HSPA12A: variants seen among roughly 807,000 people sequenced by gnomAD.
HSPA12A encodes heat shock protein family A (Hsp70) member 12A, also known as heat shock 70 kDa protein 12A.
In HSPA12A, 28 loss-of-function variants were observed where a neutral mutation model predicts 69.2. The observed-to-expected ratio is 0.40, with a 90% CI of 0.30 to 0.55. The LOEUF (loss-of-function observed/expected upper bound fraction) is 0.55. Among genes scored for constraint, HSPA12A ranks in the 20% least tolerant of loss-of-function variants. The pLI is 0.38. For synonymous variants in HSPA12A, 345 were observed against 370.5 expected, an observed-to-expected ratio of 0.93 and a Z score of 0.79; for missense variants, 686 against 900.7, an observed-to-expected ratio of 0.76 and a Z score of 3.05.
rs1173502319 is a variant in HSPA12A, at chr10:116,807,515, G to A, written c.91+27420C>T. ...ACACATACCCTGCCAAGAGCCTGAT[G>A]AGCATGCTCTGTTGATGTAGCAATG... On this transcript the variant is annotated intron_variant, in intron 2 of 12. Coordinates refer to the HSPA12A transcript ENST00000635765. Among the ~76,000 whole-genome samples, 3 of 152,136 alleles carry A rather than the reference G, an allele frequency of 2.0e-5. No individual in the cohort carries two copies. In the East Asian group the frequency reaches 5.8e-4, roughly 29 times the overall value.
intron 6 of HSPA12A, among the ~76,000 whole-genome samples, chr10:116,685,568 G>T (rs1849554972): frequency 6.6e-6 from 1 of 151,628 alleles, no homozygotes; most frequent in African/African-American, 2.4e-5. Flanking sequence ...TTGGGAGGTG[G>T]AGGTTGCAGT....
Position 116,677,806 on chromosome 10 carries a change from G to A in HSPA12A, c.1287-1304C>T, listed in dbSNP as rs181544908. Among the ~76,000 whole-genome samples, 419 of 152,320 alleles carry A rather than the reference G, an allele frequency of 2.8e-3. 2 individuals carry two copies. The highest frequency in any genetic ancestry group is 9.7e-3 in the African/African-American group (402 of 41,568). On this transcript the variant is annotated intron_variant, in intron 10 of 11. Coordinates refer to ENST00000369209, the MANE Select transcript of HSPA12A (RefSeq NM_025015.3). Reference sequence around the variant, plus strand: ...CATGTCAAAGGGATTCAGAGCCAACGTGAGAAGGCTCCTACTGGCCGAGAT... The same window carrying A: ...CATGTCAAAGGGATTCAGAGCCAACATGAGAAGGCTCCTACTGGCCGAGAT...
chr10:116,786,859 C>T (rs1844587194), intron 2 of HSPA12A, among the ~76,000 whole-genome samples: 1 of 152,124 alleles, frequency 6.6e-6, no homozygotes, highest in South Asian at 2.1e-4. Flanking sequence ...AGACTGGTCT[C>T]GAACTCCTGA....
intron 2 of HSPA12A, among the ~76,000 whole-genome samples, chr10:116,795,395 G>C (rs1348243344): frequency 6.6e-6 from 1 of 152,008 alleles, no homozygotes; most frequent in East Asian, 1.9e-4. Flanking sequence ...TACTTAGTAA[G>C]AGGCCAGGCA....
At chr10:116,798,198 G>T (rs1844875101) in intron 2 of HSPA12A, among the ~76,000 whole-genome samples, 1 of 151,710 alleles carries the variant, frequency 6.6e-6, no homozygotes, top group East Asian at 2.0e-4. Context: ...GTGGGGCAGG[G>T]AGCAGGGGTG....
intron 2 of HSPA12A, among the ~76,000 whole-genome samples, chr10:116,807,616 G>A (rs550038764): frequency 4.6e-4 from 70 of 152,318 alleles, no homozygotes; most frequent in Non-Finnish European, 8.8e-4. Context: ...AGGTCAGCGG[G>A]TCGTCCCCAT....
chr10:116,713,692 A>T (rs1850517834), intron 1 of HSPA12A, among the ~76,000 whole-genome samples: 1 of 152,178 alleles, frequency 6.6e-6, no homozygotes. Flanking sequence ...AGGTTCATGC[A>T]TTGGTCCGTG....
At chr10:116,742,199 C>A (rs1554887283) in intron 1 of HSPA12A, among the ~76,000 whole-genome samples, 2 of 151,948 alleles carry the variant, frequency 1.3e-5, no homozygotes, top group African/African-American at 4.8e-5. Flanking sequence ...CCGCGGAGTC[C>A]GCACCCTGGC....
intron 1 of HSPA12A, among the ~76,000 whole-genome samples, chr10:116,724,496 T>C (rs1554884758): frequency 6.6e-6 from 1 of 152,142 alleles, no homozygotes; most frequent in East Asian, 1.9e-4. Context: ...CCCATGGTGC[T>C]GGATTTTGTG....
At chr10:116,707,584 C>T (rs1850297125) in intron 1 of HSPA12A, among the ~76,000 whole-genome samples, 1 of 152,246 alleles carries the variant, frequency 6.6e-6, no homozygotes, top group African/African-American at 2.4e-5. Flanking sequence ...TCCCCGAAAG[C>T]TCCGCTCCTG....
rs187996151 is a variant in HSPA12A, at chr10:116,833,574, G to A, written c.91+1361C>T. On this transcript the variant is annotated intron_variant, in intron 2 of 12. Coordinates refer to the HSPA12A transcript ENST00000635765. Reference sequence around the variant, plus strand: ...TCAACCAATCACTCTTTGTTGCTCAGACAATAATTTTTCTCCCGAAAAACC... The same window carrying A: ...TCAACCAATCACTCTTTGTTGCTCAAACAATAATTTTTCTCCCGAAAAACC... Among the ~76,000 whole-genome samples the A allele has an allele frequency of 1.0e-3, 153 of 152,268 alleles. 1 individual carries two copies. The highest frequency in any genetic ancestry group is 1.7e-3 in the Non-Finnish European group (113 of 68,018).
upstream of HSPA12A, chr10:116,742,691 C>A (rs1337580573): frequency 1.8e-5 from 14 of 761,196 alleles, no homozygotes; most frequent in African/African-American, 2.5e-4. Flanking sequence ...CGGGAAAGGT[C>A]GGGGAAGGCG....
rs544861539 is a variant in HSPA12A, at chr10:116,773,054, G to C, written c.91+61881C>G. Reference sequence around the variant, plus strand: ...CATTCAGTCAGGACCGGGGACCCTAGCTAGACTAAAAGTCTGGGTGAGCCA... The same window carrying C: ...CATTCAGTCAGGACCGGGGACCCTACCTAGACTAAAAGTCTGGGTGAGCCA... On this transcript the variant is annotated intron_variant, in intron 2 of 12. Transcript: ENST00000635765. 2.0e-5 allele frequency among the ~76,000 whole-genome samples: 3 copies of C among 152,280 alleles called. No homozygotes were observed. The East Asian group carries it at 5.8e-4, about 29-fold the overall frequency.
chr10:116,696,001 T>TAAAAAAAAAAAAAAAAA (rs1849886972), intron 5 of HSPA12A, among the ~76,000 whole-genome samples: 1 of 18,704 alleles, frequency 5.3e-5, no homozygotes, highest in African/African-American at 2.8e-4. Flanking sequence ...AGACTCCATC[T>TAAAAAAAAAAAAAAAAA]CAAAAAAAAA....
At position 116,683,808 on chromosome 10, in the gene HSPA12A, C is replaced by G. The variant is rs782609994; in HGVS notation, c.818G>C (p.Gly273Ala). 9.6e-6 allele frequency: 15 copies of G among 1,565,756 alleles called. 1 individual carries two copies. The East Asian group carries it at 2.5e-4, about 26-fold the overall frequency. Reference sequence around the variant, plus strand: ...AGAGGTACCCTGTGTAAACCCAGCTCCTACTGTGTCACTGCCGCTGTACCC... The same window carrying G: ...AGAGGTACCCTGTGTAAACCCAGCTGCTACTGTGTCACTGCCGCTGTACCC... The part of the protein sequence containing the change: ...VNGYSGSDTV[G>A]AGFTQAKEHI... Residue 273 changes from glycine (G) to alanine (A), a missense_variant, in exon 7 of 12, where the codon GGA becomes GCA. Gly to Ala is a moderately conservative substitution (Grantham distance 60, BLOSUM62 0). Transcript: ENST00000369209.
chr10:116,785,641 G>A (rs757195973), intron 2 of HSPA12A, among the ~76,000 whole-genome samples: 16 of 152,030 alleles, frequency 1.1e-4, no homozygotes, highest in Admixed American at 2.0e-4. Flanking sequence ...GCTGCCCACC[G>A]CATGCTGCTG....
intron 2 of HSPA12A, chr10:116,832,256 C>CT (rs1209954799): frequency 6.6e-6 from 1 of 152,204 alleles, no homozygotes; most frequent in Non-Finnish European, 1.5e-5. Flanking sequence ...CAACCTCCGC[C>CT]TCCCCAGTTC....
intron 2 of HSPA12A, among the ~76,000 whole-genome samples, chr10:116,770,404 A>G (rs1554890293): frequency 6.6e-6 from 1 of 152,200 alleles, no homozygotes; most frequent in East Asian, 1.9e-4. Context: ...GAAGGGGCGG[A>G]TCAGAGGCTC....
chr10:116,705,378 T>C, intron 2 of HSPA12A, 100 bp from the exon 3 acceptor site: 1 of 1,340,948 alleles, frequency 7.5e-7, no homozygotes, highest in Non-Finnish European at 1.1e-6. Context: ...GTGAACCCCC[T>C]GCAGACAGAA....
Sources: allele counts gnomAD v4.1 joint callset (sites outside exome capture counted in the v4.1 genomes callset), GRCh38; gene constraint gnomAD v4.1.1; transcripts MANE v1.5; gene names NCBI Gene and HGNC (gene_info 2026-07-23, HGNC 2026-07-21).